Variants in SPTA1 observed in about 807,000 individuals in gnomAD.
SPTA1 encodes the protein spectrin alpha chain, erythrocytic 1.
A neutral mutation model predicts 324.7 loss-of-function variants in SPTA1; 177 were observed. The observed-to-expected ratio is 0.55, with a 90% CI of 0.48 to 0.62. The LOEUF (loss-of-function observed/expected upper bound fraction) is 0.62, where lower values mean the gene tolerates loss of function less well. Ranked by LOEUF, SPTA1 falls within the 20% of genes least tolerant of loss-of-function variation. SPTA1 has a pLI of 0.00. For missense variants in SPTA1, 3,162 were observed against 2,883.6 expected, an observed-to-expected ratio of 1.10 and a Z score of -2.21; for synonymous variants, 1,195 against 1,041.3, an observed-to-expected ratio of 1.15 and a Z score of -2.84.
chr1:158,652,631 C>T lies in SPTA1; in HGVS notation c.3211G>A (p.Ala1071Thr), dbSNP rs766248748. Reference sequence around the variant, plus strand: ...AATAGACGACGTCTGCGTTCTTCTGCCCGATCCAAGAGGGAGCGGTATCTG... The same window carrying T: ...AATAGACGACGTCTGCGTTCTTCTGTCCGATCCAAGAGGGAGCGGTATCTG... ...ENQYRSLLDRAEERRRRLLQR... is the reference protein window; with the variant it reads ...ENQYRSLLDRTEERRRRLLQR... Residue 1071 changes from alanine to threonine, a missense_variant, in exon 23 of 52, where the codon GCA becomes ACA. Ala to Thr is a moderately conservative substitution (Grantham distance 58). Transcript: ENST00000643759. 6.2e-7 allele frequency: 1 copy of T among 1,613,988 alleles called. No homozygotes were observed.
At chr1:158,663,090 G>A in intron 16 of SPTA1, 145 bp from the exon 17 acceptor site, 4 of 1,163,020 alleles carry the variant, frequency 3.4e-6, no homozygotes, top group South Asian at 2.8e-5. Flanking sequence ...GTGAAATGGA[G>A]TTGGAAGGGT....
At chr1:158,636,258 G>C (rs1473100657) in intron 37 of SPTA1, among the ~76,000 whole-genome samples, 2 of 152,162 alleles carry the variant, frequency 1.3e-5, no homozygotes, top group East Asian at 3.9e-4. Context: ...ACTTGCACTA[G>C]TCTACTCTCC....
intron 18 of SPTA1, among the ~76,000 whole-genome samples, chr1:158,660,823 G>A (rs1420261879): frequency 6.6e-6 from 1 of 152,152 alleles, no homozygotes; most frequent in African/African-American, 2.4e-5. Flanking sequence ...TGAATTGGAT[G>A]AAAAGAATGA....
chr1:158,644,071 A>C (rs1435626294), intron 30 of SPTA1, among the ~76,000 whole-genome samples, 182 bp downstream of exon 30: 1 of 151,422 alleles, frequency 6.6e-6, no homozygotes, highest in African/African-American at 2.4e-5. Flanking sequence ...CGGGAGGCAG[A>C]GGTTGCAGTC....
At position 158,626,033 on chromosome 1, in the gene SPTA1, A is replaced by T. The variant is rs572227014; in HGVS notation, c.5910+113T>A. 7.2e-5 allele frequency: 62 copies of T among 862,596 alleles called. No homozygotes were observed. In the African/African-American group the frequency reaches 8.1e-4, roughly 11 times the overall value. 53.4% of individuals were successfully genotyped at this position (862,596 alleles called of 1,614,324 possible). On this transcript the variant is annotated intron_variant, in intron 42 of 51. Coordinates refer to ENST00000643759, the MANE Select transcript of SPTA1 (RefSeq NM_003126.4). Reference sequence around the variant, plus strand: ...AAATTATTAATATTAAGAAGGGAAAATCTTACAGAGGCTACAGACAATAAA... The same window carrying T: ...AAATTATTAATATTAAGAAGGGAAATTCTTACAGAGGCTACAGACAATAAA...
chr1:158,629,806 T>C (rs1650560514), intron 39 of SPTA1, among the ~76,000 whole-genome samples: 1 of 151,826 alleles, frequency 6.6e-6, no homozygotes, highest in African/African-American at 2.4e-5. Flanking sequence ...TCAGCAAAGT[T>C]ACAGAATAAA....
At chr1:158,659,022 T>C (rs1653020454) in intron 18 of SPTA1, among the ~76,000 whole-genome samples, 1 of 151,804 alleles carries the variant, frequency 6.6e-6, no homozygotes, top group Non-Finnish European at 1.5e-5. Flanking sequence ...AGAAGAAAAA[T>C]AATACAAATG....
rs200716254 is a variant in SPTA1, at chr1:158,681,648, C to T, written c.410G>A (p.Arg137His). The T allele has an allele frequency of 2.5e-4, 403 of 1,613,536 alleles. No homozygotes were observed. The highest frequency in any genetic ancestry group is 3.0e-4 in the Non-Finnish European group (356 of 1,179,754). Reference protein sequence around the residue: ...EETKAHIEELRHLWDLLLELT... With the variant: ...EETKAHIEELHHLWDLLLELT... ...CTCTAACAGCAGGTCCCACAGGTGGCGTAGCTCCTCTATATGGGCCTTTAG... is the reference window on the plus strand; with the variant it reads ...CTCTAACAGCAGGTCCCACAGGTGGTGTAGCTCCTCTATATGGGCCTTTAG... The change falls in exon 4 of 52, where the codon CGC becomes CAC. Residue 137 changes from arginine to histidine, a missense_variant. Coordinates refer to ENST00000643759, the MANE Select transcript of SPTA1 (RefSeq NM_003126.4).
In SPTA1 at chr1:158,620,575, C is replaced by A. The variant is rs376755942; in HGVS notation, c.6121-109G>T. 1.7e-4 allele frequency: 242 copies of A among 1,402,540 alleles called. No individual in the cohort carries two copies. In the African/African-American group the frequency reaches 3.0e-3, roughly 17 times the overall value. 86.9% of individuals were successfully genotyped at this position (1,402,540 alleles called of 1,614,324 possible). On this transcript the variant is annotated intron_variant, in intron 43 of 51. Coordinates refer to ENST00000643759, the MANE Select transcript of SPTA1 (RefSeq NM_003126.4). ...TGTCTTTAAATATCTGCAGGGCCAC[C>A]AATCTAAAAGGGCAGAACTAAAACC...
At chr1:158,617,967 C>T (rs1649661080) in intron 46 of SPTA1, 72 bp downstream of exon 46, 1 of 1,421,130 alleles carries the variant, frequency 7.0e-7, no homozygotes, top group African/African-American at 1.4e-5. Context: ...TGTCTCAGCA[C>T]TAACTCTTTC....
At chr1:158,660,428 T>C (rs1398046961) in intron 18 of SPTA1, among the ~76,000 whole-genome samples, 5 of 152,178 alleles carry the variant, frequency 3.3e-5, no homozygotes, top group Non-Finnish European at 5.9e-5. Context: ...GGGATAAAGA[T>C]TGATATTTCA....
rs565152697 is a variant in SPTA1, at chr1:158,641,731, C to T, written c.4737+680G>A. Among the ~76,000 whole-genome samples, 47 of 152,296 alleles carry T rather than the reference C, an allele frequency of 3.1e-4. 1 individual carries two copies. The South Asian group carries it at 9.3e-3, about 30-fold the overall frequency. ...CTGGTGGGACTGTAAACTGGTTCAA[C>T]CATTGGGGAAGACAGTGTGGCAATT... On this transcript the variant is annotated intron_variant, in intron 33 of 51. Transcript: ENST00000643759.
At chr1:158,662,987 T>C (rs747210014) in intron 16 of SPTA1, 42 bp from the exon 17 acceptor site, 8 of 1,612,034 alleles carry the variant, frequency 5.0e-6, no homozygotes, top group Non-Finnish European at 6.8e-6. Context: ...TCCCATCATT[T>C]AGTAGGAAGT....
chr1:158,654,667 G>A lies in SPTA1; in HGVS notation c.2980C>T (p.Arg994Ter), dbSNP rs1265895182. 5.6e-6 allele frequency: 9 copies of A among 1,613,882 alleles called. No homozygotes were observed. Among genetic ancestry groups the A allele is most frequent in the South Asian group, 1.1e-5 (1 of 91,046 alleles). ...TCACCTTTCTTCATGGTGACTTCTC[G>A]GGGGCTGCGGGCCTGGAAGTCATAT... ...ALYDFQARSP[R>*]EVTMKKGDVL... Residue 994 changes from arginine to a stop codon, truncating the protein, a stop_gained, in exon 21 of 52, where the codon CGA becomes TGA. Coordinates refer to ENST00000643759, the MANE Select transcript of SPTA1 (RefSeq NM_003126.4). LOFTEE classifies it high-confidence loss of function.
chr1:158,636,886 C>G, intron 36 of SPTA1, 125 bp from the exon 37 acceptor site: 1 of 1,553,186 alleles, frequency 6.4e-7, no homozygotes, highest in Non-Finnish European at 8.7e-7. Flanking sequence ...TCTGTAATAC[C>G]CTGGTGCCAA....
intron 43 of SPTA1, chr1:158,620,726 A>G: frequency 2.6e-6 from 1 of 377,500 alleles, no homozygotes; most frequent in East Asian, 4.5e-5. Flanking sequence ...AGGTCGAATT[A>G]TTTCTAAAAT....
At chr1:158,635,416 C>A (rs1650995035) in intron 38 of SPTA1, among the ~76,000 whole-genome samples, 1 of 151,978 alleles carries the variant, frequency 6.6e-6, no homozygotes, top group Non-Finnish European at 1.5e-5. Context: ...TCCTGTACAG[C>A]CTATGAAACT....
intron 16 of SPTA1, among the ~76,000 whole-genome samples, chr1:158,664,041 T>TA (rs34620822): frequency 7.9e-5 from 12 of 152,028 alleles, no homozygotes; most frequent in African/African-American, 2.7e-4. Flanking sequence ...CACTTCTCCA[T>TA]AAAAAAATTA....
chr1:158,633,756 T>C (rs1293824869), intron 39 of SPTA1, among the ~76,000 whole-genome samples: 2 of 151,996 alleles, frequency 1.3e-5, no homozygotes, highest in Non-Finnish European at 2.9e-5. Context: ...TTAAAATGCT[T>C]GAACATGTGC....
Sources: allele counts gnomAD v4.1 joint callset (sites outside exome capture counted in the v4.1 genomes callset), GRCh38; gene constraint gnomAD v4.1.1; transcripts MANE v1.5; gene names NCBI Gene and HGNC (gene_info 2026-07-23, HGNC 2026-07-21).